Variants in MAST4 observed in about 807,000 individuals in gnomAD.
The protein encoded by MAST4 is microtubule-associated serine/threonine-protein kinase 4.
Under a neutral mutation model 162.7 loss-of-function variants are expected in MAST4, and 89 were observed. The observed-to-expected ratio is 0.55, with a 90% CI of 0.46 to 0.65. The LOEUF is 0.65. MAST4 is among the 30% of genes least tolerant of loss of function. The pLI, the probability that MAST4 is intolerant of heterozygous loss-of-function variation, is 0.00. For missense variants in MAST4, 3,153 were observed against 3,374.0 expected (o/e 0.93, Z 1.62); for synonymous variants, 1,479 against 1,361.1 (o/e 1.09, Z -1.91).
At chr5:66,987,570 T>C (rs1749661744) in intron 4 of MAST4, among the ~76,000 whole-genome samples, 1 of 152,180 alleles carries the variant, frequency 6.6e-6, no homozygotes, top group Non-Finnish European at 1.5e-5. Context: ...CCAGTTTCCT[T>C]TGTAAAATGT....
In MAST4 at chr5:67,165,436, T is replaced by A; in HGVS notation, c.6257T>A (p.Leu2086His). ...GGCGTGGAACCCAAGCCCGAAGCGC[T>A]TCTTGCCAGGCGGTCTCTGCAGCCA... ...RRGVEPKPEA[L>H]LARRSLQPPG... Residue 2086 changes from leucine to histidine, a missense_variant, in exon 29 of 29, where the codon CTT becomes CAT. Physicochemically the swap from Leu to His is moderately conservative, Grantham distance 99 (BLOSUM62 -3). Around this residue, in one of 7 missense-constraint regions of MAST4, gnomAD observed 1,644 missense variants for 1,495.0 expected, o/e 1.10. Coordinates refer to ENST00000403625, the MANE Select transcript of MAST4 (RefSeq NM_001164664.2). 6.2e-7 allele frequency: 1 copy of A among 1,613,930 alleles called. No homozygotes were observed. Among genetic ancestry groups the A allele is most frequent in the South Asian group, 1.1e-5 (1 of 91,090 alleles).
intron 2 of MAST4, among the ~76,000 whole-genome samples, chr5:66,770,355 A>G (rs1368080921): frequency 6.6e-6 from 1 of 152,172 alleles, no homozygotes; most frequent in African/African-American, 2.4e-5. Context: ...CCTAGACTTA[A>G]TGGGAGGCGC....
chr5:66,818,254 C>G (rs552863879), intron 3 of MAST4, among the ~76,000 whole-genome samples: 38 of 152,130 alleles, frequency 2.5e-4, no homozygotes, highest in African/African-American at 8.9e-4. Context: ...CATACGTTTG[C>G]TTTTCTTGAA....
intron 4 of MAST4, among the ~76,000 whole-genome samples, chr5:67,027,887 C>T (rs1364116617): frequency 6.6e-6 from 1 of 152,142 alleles, no homozygotes; most frequent in African/African-American, 2.4e-5. Context: ...AGTTGACTCT[C>T]CATCCTCTGC....
intron 1 of MAST4, among the ~76,000 whole-genome samples, chr5:66,672,355 A>G (rs1747663862): frequency 6.6e-6 from 1 of 152,026 alleles, no homozygotes; most frequent in African/African-American, 2.4e-5. Flanking sequence ...CTTTTATCCC[A>G]TAGTCAATTT....
chr5:66,944,796 A>G (rs566660885), intron 4 of MAST4, among the ~76,000 whole-genome samples: 32 of 152,134 alleles, frequency 2.1e-4, no homozygotes, highest in Non-Finnish European at 4.6e-4. Flanking sequence ...GGCTGTTGGC[A>G]GAATTCATTT....
At position 67,164,096 on chromosome 5, in the gene MAST4, C is replaced by A; in HGVS notation, c.4917C>A (p.Ala1639=). 3 of 1,576,222 alleles carry A rather than the reference C, an allele frequency of 1.9e-6. No individual in the cohort carries two copies. Among genetic ancestry groups the A allele is most frequent in the Non-Finnish European group, 2.6e-6 (3 of 1,159,962 alleles). Residue 1639 remains alanine (A), a synonymous_variant, in exon 29 of 29, where the codon GCC becomes GCA. Coordinates refer to ENST00000403625, the MANE Select transcript of MAST4 (RefSeq NM_001164664.2). The surrounding 1 kb of genome is among the most constrained non-coding windows in gnomAD (Gnocchi z 5.3). ...HRQGGGDFRR[A]PAPGTLQDGL... is the part of the protein sequence containing the mutation. ...AGGGTGGCGGGGACTTCAGACGGGC[C>A]CCCGCTCCTGGCACCCTCCAGGATG...
intron 4 of MAST4, among the ~76,000 whole-genome samples, chr5:67,001,025 G>T (rs1751234877): frequency 6.6e-6 from 1 of 152,064 alleles, no homozygotes; most frequent in South Asian, 2.1e-4. Context: ...TGTTGTATAG[G>T]CTTAGTTGTT....
chr5:66,760,343 T>C (rs541859631), intron 2 of MAST4, among the ~76,000 whole-genome samples: 130 of 152,198 alleles, frequency 8.5e-4, no homozygotes, highest in African/African-American at 2.7e-3. Context: ...CGTGATCTCT[T>C]GACCTCGTGA....
intron 1 of MAST4, 94 bp from the exon 2 acceptor site, chr5:66,759,615 G>A: frequency 6.8e-7 from 1 of 1,467,560 alleles, no homozygotes; most frequent in Non-Finnish European, 9.3e-7. Context: ...GTTTGAGAAG[G>A]AAAAGAAAGG....
At chr5:67,000,279 T>C (rs899922310) in intron 4 of MAST4, among the ~76,000 whole-genome samples, 1 of 152,204 alleles carries the variant, frequency 6.6e-6, no homozygotes, top group Admixed American at 6.5e-5. Context: ...CTCAACTTAG[T>C]GTCTTATTGG....
intron 1 of MAST4, among the ~76,000 whole-genome samples, chr5:66,644,497 A>C (rs1267267385): frequency 1.3e-5 from 2 of 152,194 alleles, no homozygotes; most frequent in African/African-American, 4.8e-5. Context: ...GGCTCAGCTT[A>C]GTTTAGAGAT....
At chr5:67,097,894 G>A (rs893242599) in intron 7 of MAST4, among the ~76,000 whole-genome samples, 2 of 152,070 alleles carry the variant, frequency 1.3e-5, no homozygotes, top group African/African-American at 4.8e-5. Context: ...AACTAGGAAA[G>A]CTACTTCTCT....
chr5:66,635,487 A>G (rs73766904), intron 1 of MAST4, among the ~76,000 whole-genome samples: 1,629 of 152,276 alleles, frequency 0.011, 30 homozygotes, highest in African/African-American at 0.036. Flanking sequence ...AGGATATTTG[A>G]ATTTCAGAAA....
At chr5:66,881,597 T>C (rs1217600219) in intron 3 of MAST4, among the ~76,000 whole-genome samples, 1 of 152,238 alleles carries the variant, frequency 6.6e-6, no homozygotes, top group Non-Finnish European at 1.5e-5. Context: ...TATAATTTGT[T>C]GACTTTTCCC....
At position 66,686,102 on chromosome 5, in the gene MAST4, G is replaced by A. The variant is rs186473156; in HGVS notation, c.364-73607G>A. On this transcript the variant is annotated intron_variant, in intron 1 of 28. Coordinates refer to ENST00000403625, the MANE Select transcript of MAST4 (RefSeq NM_001164664.2). ...CGGACTGGTCTGTGGCCTGGGTGTC[G>A]CGGACCTCTGCTCTAGAGTCGCACC... Among the ~76,000 whole-genome samples the A allele has an allele frequency of 2.6e-5, 4 of 152,180 alleles. No individual in the cohort carries two copies. The East Asian group carries it at 5.8e-4, about 22-fold the overall frequency.
chr5:66,782,800 T>C (rs1754936678), intron 2 of MAST4, among the ~76,000 whole-genome samples: 1 of 152,232 alleles, frequency 6.6e-6, no homozygotes, highest in African/African-American at 2.4e-5. Flanking sequence ...TCCATTAATT[T>C]CCACCCTGTG....
intron 11 of MAST4, among the ~76,000 whole-genome samples, chr5:67,111,671 GTTTAA>G (rs1766265668): frequency 6.6e-6 from 1 of 152,102 alleles, no homozygotes; most frequent in African/African-American, 2.4e-5. Flanking sequence ...TCCCACAATT[GTTTAA>G]TTTAGGGGAA....
At chr5:66,817,737 A>G (rs769142726) in intron 3 of MAST4, among the ~76,000 whole-genome samples, 18 of 152,188 alleles carry the variant, frequency 1.2e-4, no homozygotes, top group Non-Finnish European at 2.4e-4. Flanking sequence ...GCAAAATACA[A>G]TTAGTTTCTG....
Sources: gnomAD v4.1 joint callset for allele counts (sites outside exome capture counted in the v4.1 genomes callset) on GRCh38, gnomAD v4.1.1 for gene constraint, gnomAD v4.1.1 regional missense constraint, Gnocchi (gnomAD v3.1) non-coding constraint, MANE v1.5 for transcripts, NCBI Gene and HGNC (gene_info 2026-07-23, HGNC 2026-07-21) for gene names.